SND1: variants seen among roughly 807,000 people sequenced by gnomAD.
SND1 encodes staphylococcal nuclease domain-containing protein 1.
A neutral mutation model predicts 121.7 loss-of-function variants in SND1; 38 were observed. That is an observed-to-expected ratio of 0.31 (90% CI 0.24 to 0.41). SND1 has a LOEUF of 0.41. Among genes scored for constraint, SND1 ranks in the 10% least tolerant of loss-of-function variants. The probability of loss-of-function intolerance (pLI) is 1.00; values close to 1 mark genes in which losing one functional copy is unlikely to be tolerated. For missense variants in SND1, 868 were observed against 1,184.6 expected (o/e 0.73, Z 3.92); for synonymous variants, 401 against 447.4 (o/e 0.90, Z 1.31).
At chr7:127,675,836 C>T (rs1409219292) in intron 1 of SND1, among the ~76,000 whole-genome samples, 4 of 152,240 alleles carry the variant, frequency 2.6e-5, no homozygotes, top group South Asian at 2.1e-4. Context: ...CTGCTATGTG[C>T]GGTTAGTTCT....
intron 16 of SND1, among the ~76,000 whole-genome samples, chr7:128,004,265 C>A (rs959113994): frequency 1.2e-4 from 19 of 152,072 alleles, no homozygotes; most frequent in Non-Finnish European, 2.6e-4. Flanking sequence ...AATGGAAGAA[C>A]TAAGCCCTCT....
chr7:128,060,959 G>A (rs900646969), intron 16 of SND1, among the ~76,000 whole-genome samples: 1 of 152,164 alleles, frequency 6.6e-6, no homozygotes, highest in Non-Finnish European at 1.5e-5. Context: ...TTTCTACCTG[G>A]AAAGCAGTGC....
chr7:127,686,225 C>T (rs1280114418), intron 1 of SND1, among the ~76,000 whole-genome samples: 2 of 152,174 alleles, frequency 1.3e-5, no homozygotes, highest in East Asian at 1.9e-4. Context: ...TCATTGTTCG[C>T]TTCAATCTGA....
rs200084233 is a variant in SND1 at position 128,089,667 on chromosome 7, G to T, written c.2597G>T (p.Arg866Leu). 6.2e-7 allele frequency: 1 copy of T among 1,614,118 alleles called. No homozygotes were observed. ...GAAGGGCTGGTCATGGTGGAGGTGCGCAAGGAGAAACAGTTCCAGAAAGTG... is the reference window on the plus strand; with the variant it reads ...GAAGGGCTGGTCATGGTGGAGGTGCTCAAGGAGAAACAGTTCCAGAAAGTG... ...VKEGLVMVEV[R>L]KEKQFQKVIT... The change falls in exon 22 of 24, where the codon CGC (arginine) becomes CTC (leucine). Residue 866 changes from arginine to leucine, a missense_variant. Transcript: ENST00000354725.
At chr7:127,951,443 T>G (rs1210336313) in intron 15 of SND1, among the ~76,000 whole-genome samples, 1 of 152,204 alleles carries the variant, frequency 6.6e-6, no homozygotes, top group South Asian at 2.1e-4. Context: ...CAGGGAGTTG[T>G]TGCTTGACAG....
At chr7:128,030,764 G>T in intron 16 of SND1, 1 of 1,261,796 alleles carries the variant, frequency 7.9e-7, no homozygotes, top group Non-Finnish European at 1.1e-6. Flanking sequence ...TGGGGAGGGG[G>T]CGATTAGAGA....
At chr7:127,894,910 C>A (rs1800087957) in intron 13 of SND1, among the ~76,000 whole-genome samples, 1 of 151,520 alleles carries the variant, frequency 6.6e-6, no homozygotes, top group Non-Finnish European at 1.5e-5. Context: ...ACAAAGCATG[C>A]AATCTCAGAG....
chr7:128,013,971 G>A (rs757905725), intron 16 of SND1, among the ~76,000 whole-genome samples: 3 of 152,188 alleles, frequency 2.0e-5, no homozygotes, highest in Non-Finnish European at 2.9e-5. Flanking sequence ...CTGTGCCTTG[G>A]TTTCTCCCAC....
chr7:127,761,079 T>C (rs1797297286), intron 10 of SND1, among the ~76,000 whole-genome samples: 1 of 152,212 alleles, frequency 6.6e-6, no homozygotes, highest in Non-Finnish European at 1.5e-5. Context: ...ATAGTTTTCA[T>C]CACATCTCCA....
intron 9 of SND1, among the ~76,000 whole-genome samples, chr7:127,707,969 T>C (rs1246999743): frequency 1.3e-5 from 2 of 152,176 alleles, no homozygotes; most frequent in African/African-American, 2.4e-5. Flanking sequence ...CAAGTATAGA[T>C]GGTCCCTGAC....
In SND1 at chr7:127,861,751, G is replaced by A. The variant is rs189087274; in HGVS notation, c.1343+17327G>A. On this transcript the variant is annotated intron_variant, in intron 12 of 23. Transcript: ENST00000354725. ...CTCCTGAAGTGCTGGGATTACAGGC[G>A]TGAGCCACCGCTCCTGGCCTTATTT... Among the ~76,000 whole-genome samples the A allele has an allele frequency of 1.2e-4, 19 of 152,314 alleles. 1 individual carries two copies. In the East Asian group the frequency reaches 2.5e-3, roughly 20 times the overall value.
chr7:127,791,537 A>G (rs758157360), intron 10 of SND1, among the ~76,000 whole-genome samples: 3 of 152,198 alleles, frequency 2.0e-5, no homozygotes, highest in East Asian at 1.9e-4. Context: ...GAAATGTTAA[A>G]TATATTCACT....
intron 16 of SND1, among the ~76,000 whole-genome samples, chr7:128,025,415 G>C (rs1023327548): frequency 6.6e-6 from 1 of 152,162 alleles, no homozygotes; most frequent in African/African-American, 2.4e-5. Context: ...TGTAAAATGT[G>C]AAGGGATTAG....
chr7:128,024,155 C>T (rs1339660663), intron 16 of SND1, among the ~76,000 whole-genome samples: 3 of 151,844 alleles, frequency 2.0e-5, no homozygotes, highest in African/African-American at 7.3e-5. Flanking sequence ...TAATTTAAAG[C>T]AAAGATGAAA....
At chr7:127,972,892 T>C (rs1459946403) in intron 15 of SND1, among the ~76,000 whole-genome samples, 2 of 152,254 alleles carry the variant, frequency 1.3e-5, no homozygotes, top group East Asian at 3.8e-4. Context: ...TTTACCCAAC[T>C]GTTGTCTATG....
At chr7:127,871,102 A>G (rs1413673262) in intron 12 of SND1, among the ~76,000 whole-genome samples, 3 of 152,128 alleles carry the variant, frequency 2.0e-5, no homozygotes, top group Non-Finnish European at 2.9e-5. Context: ...TTCCACCTCT[A>G]TATCTTGTCC....
At position 128,012,311 on chromosome 7, in the gene SND1, G is replaced by A. The variant is rs539154698; in HGVS notation, c.1779+21255G>A. Reference sequence around the variant, plus strand: ...GTCTCTTCCACTGGATGAACTCACTGTAACCGCCCTGAGAGCTATTATACC... The same window carrying A: ...GTCTCTTCCACTGGATGAACTCACTATAACCGCCCTGAGAGCTATTATACC... On this transcript the variant is annotated intron_variant, in intron 16 of 23. Transcript: ENST00000354725. Among the ~76,000 whole-genome samples the A allele has an allele frequency of 5.3e-5, 8 of 152,292 alleles. No individual in the cohort carries two copies. The South Asian group carries it at 1.4e-3, about 28-fold the overall frequency.
At chr7:127,725,357 A>G (rs893895806) in intron 10 of SND1, among the ~76,000 whole-genome samples, 1 of 152,178 alleles carries the variant, frequency 6.6e-6, no homozygotes, top group Non-Finnish European at 1.5e-5. Context: ...TCCTGTCAGC[A>G]TCATGCCAGG....
chr7:127,712,719 G>C (rs1796317702), intron 9 of SND1, among the ~76,000 whole-genome samples: 2 of 152,154 alleles, frequency 1.3e-5, no homozygotes, highest in East Asian at 3.8e-4. Context: ...TTTTGTTGCA[G>C]TGTTCTCTCT....
Sources: gnomAD v4.1 joint callset for allele counts (sites outside exome capture counted in the v4.1 genomes callset) on GRCh38, gnomAD v4.1.1 for gene constraint, MANE v1.5 for transcripts, NCBI Gene and HGNC (gene_info 2026-07-23, HGNC 2026-07-21) for gene names.